The following MTUS2 variants were observed in gnomAD, a reference collection of about 807,000 sequenced individuals.
The protein encoded by MTUS2 is microtubule associated scaffold protein 2.
Under a neutral mutation model 114.1 loss-of-function variants are expected in MTUS2, and 40 were observed. The ratio of observed to expected loss-of-function variants is 0.35; its 90% CI spans 0.27 to 0.46. MTUS2 has a LOEUF of 0.46. MTUS2 is among the 20% of genes least tolerant of loss of function. The pLI, the probability that MTUS2 is intolerant of heterozygous loss-of-function variation, is 1.00. For synonymous variants in MTUS2, 688 were observed against 672.0 expected (o/e 1.02, Z -0.37); for missense variants, 1,679 against 1,705.4 (o/e 0.98, Z 0.27).
intron 7 of MTUS2, among the ~76,000 whole-genome samples, chr13:29,350,962 T>TATATATATATATATATATATATATATAG (rs1869203288): frequency 5.3e-5 from 1 of 18,898 alleles, no homozygotes; most frequent in Non-Finnish European, 1.6e-4. Context: ...ATATATTTCA[T>TATATATATATATATATATATATATATAG]ATATATATAT....
At chr13:29,334,408 C>G (rs1900945961) in intron 7 of MTUS2, among the ~76,000 whole-genome samples, 1 of 152,180 alleles carries the variant, frequency 6.6e-6, no homozygotes, top group Non-Finnish European at 1.5e-5. Context: ...CTGGTGGTGA[C>G]AAAATCTCTC....
chr13:28,883,007 T>C (rs143215075), intron 2 of MTUS2, among the ~76,000 whole-genome samples: 32 of 152,290 alleles, frequency 2.1e-4, no homozygotes, highest in Admixed American at 2.1e-3. Flanking sequence ...TTTACAGACA[T>C]TTCAGTGAGT....
intron 5 of MTUS2, among the ~76,000 whole-genome samples, chr13:29,212,600 TCTCCTTAAGTAATAACAG>T (rs1385487781): frequency 6.6e-6 from 1 of 150,824 alleles, no homozygotes; most frequent in Admixed American, 6.6e-5. Context: ...CTCACAATCT[TCTCCTTAAGTAATAACAG>T]CTCACAGAAC....
At chr13:29,332,821 G>A (rs1900856439) in intron 7 of MTUS2, among the ~76,000 whole-genome samples, 1 of 151,922 alleles carries the variant, frequency 6.6e-6, no homozygotes, top group Non-Finnish European at 1.5e-5. Flanking sequence ...ATTTTTAGTA[G>A]AGACGGGGTT....
At chr13:28,890,472 G>A (rs1438782341) in intron 2 of MTUS2, among the ~76,000 whole-genome samples, 1 of 152,088 alleles carries the variant, frequency 6.6e-6, no homozygotes, top group Non-Finnish European at 1.5e-5. Context: ...TTGTGTCTCT[G>A]TTTCCCTGGG....
chr13:29,025,348 A>G lies in MTUS2; in HGVS notation c.650A>G (p.Gln217Arg). Residue 217 changes from glutamine (Q) to arginine (R), a missense_variant, in exon 3 of 16, where the codon CAG (glutamine) becomes CGG (arginine). Around this residue, in one of 3 missense-constraint regions of MTUS2, gnomAD observed 843 missense variants for 770.8 expected, o/e 1.09. Coordinates refer to ENST00000612955, the MANE Select transcript of MTUS2 (RefSeq NM_001033602.4). ...GQIPGGGEGP[Q>R]KTLPDHAVPA... ...ATACCTGGGGGTGGGGAGGGGCCACAGAAGACATTGCCAGACCACGCTGTC... is the reference window on the plus strand; with the variant it reads ...ATACCTGGGGGTGGGGAGGGGCCACGGAAGACATTGCCAGACCACGCTGTC... 6.2e-7 allele frequency: 1 copy of G among 1,613,868 alleles called. No homozygotes were observed. Among genetic ancestry groups the G allele is most frequent in the African/African-American group, 1.3e-5 (1 of 75,040 alleles).
intron 2 of MTUS2, among the ~76,000 whole-genome samples, chr13:28,948,913 C>G (rs575433806): frequency 6.6e-5 from 10 of 152,250 alleles, no homozygotes; most frequent in African/African-American, 2.2e-4. Flanking sequence ...TCCAGTGGGT[C>G]CCCCTTTGGA....
intron 5 of MTUS2, among the ~76,000 whole-genome samples, chr13:29,126,869 A>G (rs1028781419): frequency 3.3e-5 from 5 of 152,192 alleles, no homozygotes; most frequent in African/African-American, 1.2e-4. Context: ...TCATCAGCAC[A>G]TGTGGTTAAT....
chr13:29,470,882 C>G (rs1231488395), intron 9 of MTUS2, among the ~76,000 whole-genome samples: 1 of 152,204 alleles, frequency 6.6e-6, no homozygotes, highest in Non-Finnish European at 1.5e-5. Context: ...TTCCCCATCT[C>G]TCCACATTCT....
intron 6 of MTUS2, among the ~76,000 whole-genome samples, chr13:29,288,473 G>A (rs1053509638): frequency 9.9e-5 from 15 of 152,176 alleles, no homozygotes; most frequent in African/African-American, 3.6e-4. Flanking sequence ...GCTTAAAGGG[G>A]AAGTGGGCAA....
At chr13:29,353,955 AT>A (rs1328435307) in intron 7 of MTUS2, among the ~76,000 whole-genome samples, 15 of 152,188 alleles carry the variant, frequency 9.9e-5, no homozygotes, top group Admixed American at 3.3e-4. Flanking sequence ...CACTCTTCAG[AT>A]CTTCAGAATT....
At chr13:28,944,114 T>C (rs551273982) in intron 2 of MTUS2, among the ~76,000 whole-genome samples, 4 of 152,138 alleles carry the variant, frequency 2.6e-5, no homozygotes, top group African/African-American at 7.2e-5. Context: ...ATATATAATA[T>C]ACATATTTTG....
intron 4 of MTUS2, among the ~76,000 whole-genome samples, chr13:29,085,847 A>G (rs1253516333): frequency 2.0e-5 from 3 of 152,152 alleles, no homozygotes; most frequent in Non-Finnish European, 4.4e-5. Flanking sequence ...AAGTTCTTTG[A>G]GAATTCGCTA....
intron 11 of MTUS2, among the ~76,000 whole-genome samples, chr13:29,491,744 T>C (rs961478610): frequency 1.3e-4 from 18 of 136,042 alleles, no homozygotes; most frequent in Non-Finnish European, 2.7e-4. Flanking sequence ...GCGTGTGGGG[T>C]GTGTGTGTGC....
Position 29,503,474 on chromosome 13 carries a change from T to G in MTUS2, c.*268T>G. ...TTGCAATTGTTCTTGAGCAATGAACTTTCACTGCAGAATTTCAGGTTAGTT... is the reference window on the plus strand; with the variant it reads ...TTGCAATTGTTCTTGAGCAATGAACGTTCACTGCAGAATTTCAGGTTAGTT... On this transcript the variant is annotated 3_prime_UTR_variant, in exon 16 of 16. Coordinates refer to ENST00000612955, the MANE Select transcript of MTUS2 (RefSeq NM_001033602.4). 1 of 565,144 alleles carries G rather than the reference T, an allele frequency of 1.8e-6. No homozygotes were observed. Among genetic ancestry groups the G allele is most frequent in the Non-Finnish European group, 3.2e-6 (1 of 315,802 alleles). The allele number at this position is 565,144 out of a possible 1,614,324, so 35.0% of individuals were successfully genotyped here.
chr13:28,910,999 C>A (rs1024193289), intron 2 of MTUS2, among the ~76,000 whole-genome samples: 2 of 149,066 alleles, frequency 1.3e-5, no homozygotes, highest in African/African-American at 2.5e-5. Flanking sequence ...CCTCAGCCTC[C>A]TGAATAGCTG....
chr13:28,959,880 T>A (rs1883243676), intron 2 of MTUS2, among the ~76,000 whole-genome samples: 1 of 152,200 alleles, frequency 6.6e-6, no homozygotes, highest in Admixed American at 6.5e-5. Context: ...AATGTGATGG[T>A]GCAGCCCCCT....
chr13:29,065,531 A>G (rs1348419223), intron 4 of MTUS2, among the ~76,000 whole-genome samples: 1 of 151,978 alleles, frequency 6.6e-6, no homozygotes, highest in African/African-American at 2.4e-5. Flanking sequence ...TAGATATTAG[A>G]CCTTTGTCAG....
chr13:29,453,277 C>T (rs1878864231), intron 9 of MTUS2, among the ~76,000 whole-genome samples: 1 of 151,882 alleles, frequency 6.6e-6, no homozygotes, highest in African/African-American at 2.4e-5. Flanking sequence ...GCAAATTATG[C>T]AAACATAATC....
Sources: gnomAD v4.1 joint callset for allele counts (sites outside exome capture counted in the v4.1 genomes callset) on GRCh38, gnomAD v4.1.1 for gene constraint, gnomAD v4.1.1 regional missense constraint, MANE v1.5 for transcripts, NCBI Gene and HGNC (gene_info 2026-07-23, HGNC 2026-07-21) for gene names.